The following MYOM2 variants were observed in gnomAD, a reference collection of about 807,000 sequenced individuals.
The protein encoded by MYOM2 is myomesin 2, also known as myomesin-2.
Under a neutral mutation model 187.6 loss-of-function variants are expected in MYOM2, and 254 were observed. That is an observed-to-expected ratio of 1.35 (90% CI 1.22 to 1.50). MYOM2 has a LOEUF of 1.50. Ranked by LOEUF, MYOM2 falls within the 40% of genes most tolerant of loss-of-function variation. The pLI is 0.00. For synonymous variants in MYOM2, 981 were observed against 753.8 expected, an observed-to-expected ratio of 1.30 and a Z score of -4.94; for missense variants, 2,796 against 1,924.0, an observed-to-expected ratio of 1.45 and a Z score of -8.48.
chr8:2,111,631 C>A (rs189932248), intron 25 of MYOM2, among the ~76,000 whole-genome samples: 206 of 152,296 alleles, frequency 1.4e-3, no homozygotes, highest in African/African-American at 4.9e-3. Flanking sequence ...CCAAGGTCCA[C>A]GGGACGGTGT....
At chr8:2,127,499 C>A (rs971708713) in intron 31 of MYOM2, among the ~76,000 whole-genome samples, 1 of 152,260 alleles carries the variant, frequency 6.6e-6, no homozygotes, top group Non-Finnish European at 1.5e-5. Flanking sequence ...CCCTGTTGTC[C>A]CTCAGGTTCC....
At chr8:2,047,523 G>A (rs1261037921) in intron 1 of MYOM2, among the ~76,000 whole-genome samples, 1 of 152,184 alleles carries the variant, frequency 6.6e-6, no homozygotes, top group Non-Finnish European at 1.5e-5. Flanking sequence ...GGAGCTCTAA[G>A]GTGTTTTCAT....
chr8:2,081,320 G>A (rs6994664), intron 13 of MYOM2, among the ~76,000 whole-genome samples: 6,478 of 32,176 alleles, frequency 0.2, 703 homozygotes, highest in South Asian at 0.29. Flanking sequence ...GCAGAATGAG[G>A]TTTGATTCTG....
chr8:2,084,661 A>C (rs372050090), intron 13 of MYOM2, among the ~76,000 whole-genome samples: 3 of 152,208 alleles, frequency 2.0e-5, no homozygotes, highest in East Asian at 3.8e-4. Context: ...CAAATATTCT[A>C]GCATAAGTTA....
At position 2,072,368 on chromosome 8, in the gene MYOM2, TAC is replaced by T; in HGVS notation, c.820_821del (p.Thr274AlafsTer46). 1.2e-6 allele frequency: 2 copies of T among 1,613,386 alleles called. No homozygotes were observed. Among genetic ancestry groups the T allele is most frequent in the Non-Finnish European group, 1.7e-6 (2 of 1,179,462 alleles). Reference sequence around the variant, plus strand: ...AGTGCCCCTGTCATCGATGATTCCGTACACGCACTTCGACGTCCAGTTTTTGG... The same window carrying T: ...AGTGCCCCTGTCATCGATGATTCCGTACGCACTTCGACGTCCAGTTTTTGG... ...IGLPLSSMIPYTHFDVQFLEK... is the reference protein window; with the variant it reads ...IGLPLSSMIPXTHFDVQFLEK... On this transcript the variant is annotated frameshift_variant, in exon 9 of 37. Transcript: ENST00000262113. LOFTEE classifies it high-confidence loss of function.
intron 31 of MYOM2, among the ~76,000 whole-genome samples, chr8:2,127,062 C>G (rs1797673451): frequency 6.6e-6 from 1 of 151,816 alleles, no homozygotes; most frequent in South Asian, 2.1e-4. Flanking sequence ...TCAGGCTGCT[C>G]CGACCCTCCC....
chr8:2,132,144 A>G (rs1797896402), intron 32 of MYOM2, among the ~76,000 whole-genome samples: 1 of 152,248 alleles, frequency 6.6e-6, no homozygotes, highest in African/African-American at 2.4e-5. Flanking sequence ...TTGTTGCAAT[A>G]TACTTTAGCC....
chr8:2,100,275 GAA>G (rs1279768962), intron 19 of MYOM2, among the ~76,000 whole-genome samples: 1 of 151,554 alleles, frequency 6.6e-6, no homozygotes, highest in East Asian at 2.0e-4. Context: ...ACCAACAGAA[GAA>G]AAAAGTCATT....
intron 3 of MYOM2, among the ~76,000 whole-genome samples, chr8:2,055,037 A>G (rs1386164433): frequency 2.5e-5 from 3 of 117,818 alleles, no homozygotes; most frequent in Non-Finnish European, 6.0e-5. Flanking sequence ...ATACTGGGGA[A>G]CCAAGTACCT....
chr8:2,120,689 A>ATATATATATTATATATTTATAATAT, intron 28 of MYOM2, among the ~76,000 whole-genome samples: 1 of 42,414 alleles, frequency 2.4e-5, no homozygotes, highest in African/African-American at 7.5e-5. Context: ...ATTATATATA[A>ATATATATATTATATATTTATAATAT]ATATATAATA....
Position 2,142,454 on chromosome 8 carries a change from T to A in MYOM2, c.4024+57T>A, listed in dbSNP as rs1028738258. The A allele has an allele frequency of 1.9e-6, 3 of 1,585,320 alleles. No individual in the cohort carries two copies. The African/African-American group carries it at 4.0e-5, about 21-fold the overall frequency. On this transcript the variant is annotated intron_variant, in intron 35 of 36. Coordinates refer to ENST00000262113, the MANE Select transcript of MYOM2 (RefSeq NM_003970.4). The stretch of plus-strand genomic sequence containing the variant: ...TGAATTATTTGGGGTGGGGCAAAAG[T>A]GTCCATATTTTGGAGGACCAACTTT...
chr8:2,091,520 A>G (rs1025313797), intron 15 of MYOM2, among the ~76,000 whole-genome samples: 3 of 152,198 alleles, frequency 2.0e-5, no homozygotes, highest in African/African-American at 4.8e-5. Context: ...CGGGAGGCAC[A>G]TTGGTGTCAG....
intron 6 of MYOM2, among the ~76,000 whole-genome samples, chr8:2,059,811 C>A (rs1384729246): frequency 1.4e-5 from 2 of 146,858 alleles, no homozygotes; most frequent in African/African-American, 5.1e-5. Flanking sequence ...GGCATGGTCT[C>A]GGCTCACCAC....
chr8:2,097,179 A>G, intron 18 of MYOM2: 2 of 841,420 alleles, frequency 2.4e-6, no homozygotes, highest in Non-Finnish European at 2.9e-6. Flanking sequence ...TTTGTCTACT[A>G]GAAAATTCTG....
At chr8:2,116,410 TACCAACTGCATAGG>T (rs1797247296) in intron 27 of MYOM2, 135 bp downstream of exon 27, 7 of 811,172 alleles carry the variant, frequency 8.6e-6, no homozygotes, top group Non-Finnish European at 1.1e-5. Flanking sequence ...AGGTTAGGCT[TACCAACTGCATAGG>T]AAAGGAACCT....
intron 14 of MYOM2, among the ~76,000 whole-genome samples, chr8:2,086,389 C>A (rs1435637238): frequency 0.041 from 1,467 of 35,456 alleles, 571 homozygotes; most frequent in Non-Finnish European, 0.057. Context: ...GCGTGGCCTC[C>A]CACTGTTGTG....
At chr8:2,079,217 T>C (rs1245197269) in intron 12 of MYOM2, among the ~76,000 whole-genome samples, 1 of 152,104 alleles carries the variant, frequency 6.6e-6, no homozygotes, top group East Asian at 1.9e-4. Flanking sequence ...TTTTATTCCA[T>C]TGGTGATATA....
intron 6 of MYOM2, among the ~76,000 whole-genome samples, chr8:2,066,153 C>T (rs549616204): frequency 8.5e-5 from 13 of 152,262 alleles, no homozygotes; most frequent in South Asian, 2.1e-4. Context: ...CTGGTCCAGC[C>T]GGGTCACATC....
chr8:2,068,679 C>T (rs143233554), intron 6 of MYOM2, among the ~76,000 whole-genome samples: 1 of 152,238 alleles, frequency 6.6e-6, no homozygotes, highest in African/African-American at 2.4e-5. Context: ...GCTCAAGCTC[C>T]CGGACCACCT....
Sources: gnomAD v4.1 joint callset for allele counts (sites outside exome capture counted in the v4.1 genomes callset) on GRCh38, gnomAD v4.1.1 for gene constraint, MANE v1.5 for transcripts, NCBI Gene and HGNC (gene_info 2026-07-23, HGNC 2026-07-21) for gene names.